Variants in DPP6 observed in about 807,000 individuals in gnomAD.
DPP6 encodes the protein dipeptidyl peptidase like 6.
A neutral mutation model predicts 122.6 loss-of-function variants in DPP6; 69 were observed. The observed-to-expected ratio is 0.56, with a 90% confidence interval of 0.46 to 0.69. The LOEUF (loss-of-function observed/expected upper bound fraction) is 0.69. Among genes scored for constraint, DPP6 ranks in the 30% least tolerant of loss-of-function variants. The pLI is 0.00. For missense variants in DPP6, 928 were observed against 1,116.9 expected (o/e 0.83, Z 2.41); for synonymous variants, 418 against 433.1 (o/e 0.97, Z 0.43).
intron 1 of DPP6, among the ~76,000 whole-genome samples, chr7:154,391,085 G>A (rs757094596): frequency 2.0e-5 from 3 of 152,150 alleles, no homozygotes; most frequent in Non-Finnish European, 4.4e-5. Context: ...TGCCATCCCT[G>A]GGCTGCAGCG....
chr7:154,591,120 G>T (rs1291815169), intron 5 of DPP6, among the ~76,000 whole-genome samples: 1 of 152,216 alleles, frequency 6.6e-6, no homozygotes, highest in African/African-American at 2.4e-5. Context: ...TTATAGACCG[G>T]TGGTGCAAAG....
the DPP6 span, among the ~76,000 whole-genome samples, chr7:153,787,375 A>C: frequency 6.7e-6 from 1 of 148,278 alleles, no homozygotes; most frequent in African/African-American, 2.5e-5. Context: ...AAACCCTAAC[A>C]GTCGTTCTCC....
chr7:154,623,568 C>T (rs1834840802), intron 5 of DPP6, among the ~76,000 whole-genome samples: 1 of 62,862 alleles, frequency 1.6e-5, no homozygotes, highest in African/African-American at 4.4e-5. Context: ...GCAACACGCA[C>T]ACACACACGC....
In DPP6 at chr7:154,065,836, GC is replaced by G. The variant is rs58238750; in HGVS notation, c.243+12775del. 3.2e-3 allele frequency among the ~76,000 whole-genome samples: 483 copies of G among 152,176 alleles called. 18 individuals carry two copies. The East Asian group carries it at 0.077, about 24-fold the overall frequency. On this transcript the variant is annotated intron_variant, in intron 1 of 25. Coordinates refer to ENST00000377770, the MANE Select transcript of DPP6 (RefSeq NM_130797.4). The stretch of plus-strand genomic sequence containing the variant: ...CAGGGAATGGGGCAAGTTCCTGGGG[GC>G]CAAGGATGTCTTCTGACTGGCCTGC...
chr7:154,319,268 G>A (rs967459850), intron 1 of DPP6, among the ~76,000 whole-genome samples: 4 of 152,050 alleles, frequency 2.6e-5, no homozygotes, highest in African/African-American at 9.7e-5. Flanking sequence ...AAATTGTTTT[G>A]CTCTAACACA....
At chr7:154,411,347 C>T (rs1184398067) in intron 1 of DPP6, among the ~76,000 whole-genome samples, 3 of 152,088 alleles carry the variant, frequency 2.0e-5, no homozygotes, top group Admixed American at 2.0e-4. Flanking sequence ...TCAGGTGACC[C>T]TCCCACCTCA....
chr7:154,215,669 CCAGA>C lies in DPP6; in HGVS notation c.243+162610_243+162613del, dbSNP rs372267196. On this transcript the variant is annotated intron_variant, in intron 1 of 25. Transcript: ENST00000377770. The stretch of plus-strand genomic sequence containing the variant: ...TGTCTGGAACAGCATCTGGGTGTCA[CCAGA>C]CAGTCTTTTGGAAATGCAGCATCTC... 9.3e-4 allele frequency among the ~76,000 whole-genome samples: 141 copies of C among 152,222 alleles called. No homozygotes were observed. In the Middle Eastern group the frequency reaches 0.024, roughly 26 times the overall value.
intron 7 of DPP6, among the ~76,000 whole-genome samples, chr7:154,684,399 A>G (rs1839472852): frequency 6.6e-6 from 1 of 152,192 alleles, no homozygotes; most frequent in African/African-American, 2.4e-5. Flanking sequence ...CTTTGTGTAG[A>G]CTGTTAGTAA....
rs1003593042 is a variant in DPP6, at chr7:154,278,931, ATG to A, written c.244-167277_244-167276del. ...ATTGCATGTGTATGTATGTGTATGT[ATG>A]TGTGTTTGTTGTGTGGTATGTATAT... On this transcript the variant is annotated intron_variant, in intron 1 of 25. Coordinates refer to ENST00000377770, the MANE Select transcript of DPP6 (RefSeq NM_130797.4). Among the ~76,000 whole-genome samples the A allele has an allele frequency of 5.3e-5, 8 of 150,472 alleles. 1 individual carries two copies. The highest frequency in any genetic ancestry group is 1.3e-4 in the Admixed American group (2 of 15,130).
At chr7:153,947,488 C>T (rs933500093) in intron 1 of DPP6, among the ~76,000 whole-genome samples, 4 of 151,954 alleles carry the variant, frequency 2.6e-5, no homozygotes, top group African/African-American at 9.7e-5. Flanking sequence ...ACTAGACTGG[C>T]AAAAAATAAT....
chr7:154,553,933 A>G (rs1829830893), intron 4 of DPP6, among the ~76,000 whole-genome samples: 1 of 150,482 alleles, frequency 6.6e-6, no homozygotes, highest in Admixed American at 6.6e-5. Flanking sequence ...AAGTGCTGAC[A>G]CAGCTGAGTC....
chr7:153,820,017 T>A, the DPP6 span, among the ~76,000 whole-genome samples: 3 of 152,348 alleles, frequency 2.0e-5, no homozygotes, highest in African/African-American at 7.2e-5. Context: ...AATTACATCT[T>A]CTTTGTGGCT....
chr7:154,052,845 A>C lies in DPP6; in HGVS notation c.25A>C (p.Thr9Pro), dbSNP rs1317234535. 2 of 1,536,746 alleles carry C rather than the reference A, an allele frequency of 1.3e-6. No homozygotes were observed. The highest frequency in any genetic ancestry group is 1.2e-5 in the South Asian group (1 of 83,976). The change falls in exon 1 of 26, where the codon ACT (threonine) becomes CCT (proline). Residue 9 changes from threonine (T) to proline (P), a missense_variant. Transcript: ENST00000377770. The surrounding 1 kb of genome is among the most constrained non-coding windows in gnomAD (Gnocchi z 4.8). MASLYQRF[T>P]GKINTSRSFP... ...GATGGCTTCGCTGTACCAGAGGTTC[A>C]CTGGCAAGATCAACACCTCGAGGTC...
chr7:154,668,194 ATT>A lies in DPP6; in HGVS notation c.681-1163_681-1162del, dbSNP rs1408895829. Among the ~76,000 whole-genome samples, 6 of 22,928 alleles carry A rather than the reference ATT, an allele frequency of 2.6e-4. No individual in the cohort carries two copies. The South Asian group carries it at 0.02, about 75-fold the overall frequency. The allele number at this position is 22,928 out of a possible 152,430, so 15.0% of individuals were successfully genotyped here. ...TGGGTGCATTCCCAGCTATGTGTAT[ATT>A]TTATATATATATATATATATATAAT... On this transcript the variant is annotated intron_variant, in intron 6 of 25. Transcript: ENST00000377770.
the DPP6 span, among the ~76,000 whole-genome samples, chr7:153,850,516 A>G: frequency 1.3e-5 from 2 of 152,218 alleles, no homozygotes; most frequent in African/African-American, 4.8e-5. Context: ...GAAGGAAACC[A>G]TAGGTCCTAT....
chr7:153,933,930 G>A (rs917050011), intron 1 of DPP6, among the ~76,000 whole-genome samples: 4 of 152,214 alleles, frequency 2.6e-5, no homozygotes, highest in Non-Finnish European at 5.9e-5. Context: ...CGTGGATCGC[G>A]TGGGAACACA....
intron 1 of DPP6, among the ~76,000 whole-genome samples, chr7:154,303,422 G>A (rs1156839815): frequency 1.3e-5 from 2 of 152,132 alleles, no homozygotes; most frequent in Non-Finnish European, 2.9e-5. Context: ...GTGGCTCCCA[G>A]GGCCAGAGAC....
chr7:154,892,297 T>C (rs751261353), intron 25 of DPP6, 37 bp from the exon 26 acceptor site: 3 of 1,613,736 alleles, frequency 1.9e-6, no homozygotes, highest in Non-Finnish European at 2.5e-6. Flanking sequence ...GGGGAGCGTA[T>C]ACCTGGGAGA....
chr7:154,812,921 C>T (rs149671957), intron 16 of DPP6, among the ~76,000 whole-genome samples: 51 of 152,176 alleles, frequency 3.4e-4, no homozygotes, highest in African/African-American at 1.1e-3. Flanking sequence ...ATTTCTTCAG[C>T]GGCTTCTCAA....
Sources: allele counts gnomAD v4.1 joint callset (sites outside exome capture counted in the v4.1 genomes callset), GRCh38; gene constraint gnomAD v4.1.1; non-coding constraint Gnocchi (gnomAD v3.1); transcripts MANE v1.5; gene names NCBI Gene and HGNC (gene_info 2026-07-23, HGNC 2026-07-21).